IL1R1: variants seen among roughly 807,000 people sequenced by gnomAD.
The protein encoded by IL1R1 is interleukin-1 receptor type 1.
In IL1R1, 22 loss-of-function variants were observed where a neutral mutation model predicts 50.2. The ratio of observed to expected loss-of-function variants is 0.44; its 90% CI spans 0.31 to 0.63. The LOEUF is 0.63. Among genes scored for constraint, IL1R1 ranks in the 20% least tolerant of loss-of-function variants. The pLI, the probability that IL1R1 is intolerant of heterozygous loss-of-function variation, is 0.07. For missense variants in IL1R1, 509 were observed against 676.2 expected (o/e 0.75, Z 2.74); for synonymous variants, 251 against 236.7 (o/e 1.06, Z -0.55).
At chr2:102,075,620 C>T (rs1037886128) in intron 1 of IL1R1, among the ~76,000 whole-genome samples, 1 of 152,152 alleles carries the variant, frequency 6.6e-6, no homozygotes, top group South Asian at 2.1e-4. Flanking sequence ...TTGCATGCAA[C>T]TGGTTTGCAA....
chr2:102,166,027 G>C (rs1421924494), intron 5 of IL1R1, 86 bp from the exon 6 acceptor site: 9 of 1,146,326 alleles, frequency 7.9e-6, no homozygotes, highest in Non-Finnish European at 1.1e-5. Flanking sequence ...CATTTGCTAA[G>C]GTGAAAAAAA....
chr2:102,172,672 C>G lies in IL1R1; in HGVS notation c.840-15C>G, dbSNP rs778692822. On this transcript the variant is annotated splice_polypyrimidine_tract_variant and intron_variant, in intron 8 of 11. Coordinates refer to ENST00000410023, the MANE Select transcript of IL1R1 (RefSeq NM_000877.4). ...ATTAACTTACACAAGTTTATTTACT[C>G]TCTCTCTCGAATAGTGTGGAAAATC... 6.3e-7 allele frequency: 1 copy of G among 1,585,510 alleles called. No individual in the cohort carries two copies. The highest frequency in any genetic ancestry group is 8.6e-7 in the Non-Finnish European group (1 of 1,163,816).
At chr2:102,090,183 G>A (rs1679606006) in intron 1 of IL1R1, among the ~76,000 whole-genome samples, 1 of 140,660 alleles carries the variant, frequency 7.1e-6, no homozygotes, top group Non-Finnish European at 1.5e-5. Flanking sequence ...TGGCCTTCTA[G>A]TCCTTTGTCC....
upstream of IL1R1, among the ~76,000 whole-genome samples, chr2:102,103,723 G>A (rs946006900): frequency 3.9e-5 from 6 of 152,204 alleles, no homozygotes; most frequent in Admixed American, 2.0e-4. Context: ...GGCCAGGTGC[G>A]GTGGCTCATG....
intron 1 of IL1R1, among the ~76,000 whole-genome samples, chr2:102,071,383 G>A (rs1183711619): frequency 6.7e-6 from 1 of 148,994 alleles, no homozygotes; most frequent in Non-Finnish European, 1.5e-5. Flanking sequence ...ATCTATTTGT[G>A]GCACTGTATA....
intron 1 of IL1R1, among the ~76,000 whole-genome samples, chr2:102,137,043 C>T (rs529331645): frequency 6.6e-6 from 1 of 152,300 alleles, no homozygotes; most frequent in South Asian, 2.1e-4. Context: ...CAAAACTAAA[C>T]CTATTTGACC....
intron 7 of IL1R1, among the ~76,000 whole-genome samples, chr2:102,169,152 A>G (rs189929527): frequency 2.0e-3 from 305 of 152,316 alleles, no homozygotes; most frequent in African/African-American, 7.0e-3. Flanking sequence ...CAGTGTTACA[A>G]TTTCAGGACT....
upstream of IL1R1, among the ~76,000 whole-genome samples, chr2:102,141,167 AAGC>A (rs1682623792): frequency 6.6e-6 from 1 of 152,222 alleles, no homozygotes; most frequent in South Asian, 2.1e-4. Context: ...CACGTGGTTG[AAGC>A]AGCCTTCAGT....
chr2:102,095,627 A>G (rs1679864695), intron 1 of IL1R1, among the ~76,000 whole-genome samples: 1 of 152,224 alleles, frequency 6.6e-6, no homozygotes, highest in African/African-American at 2.4e-5. Flanking sequence ...TTCCCCCCAG[A>G]AATAGCTGCT....
chr2:102,170,752 A>G (rs1050287973), intron 7 of IL1R1, among the ~76,000 whole-genome samples: 2 of 152,226 alleles, frequency 1.3e-5, no homozygotes, highest in Non-Finnish European at 2.9e-5. Flanking sequence ...TTAATCTCAG[A>G]AAAACTGAAA....
At chr2:102,082,301 A>G (rs1430601375) in intron 1 of IL1R1, among the ~76,000 whole-genome samples, 1 of 152,114 alleles carries the variant, frequency 6.6e-6, no homozygotes, top group East Asian at 1.9e-4. Flanking sequence ...TTCTGGAGAT[A>G]TATTTGCCAT....
chr2:102,078,752 A>G (rs1679086457), intron 1 of IL1R1, among the ~76,000 whole-genome samples: 1 of 152,164 alleles, frequency 6.6e-6, no homozygotes, highest in Non-Finnish European at 1.5e-5. Context: ...GAAAGTCAGT[A>G]TTACCCCGGT....
Position 102,168,670 on chromosome 2 carries a change from G to A in IL1R1, c.721+7G>A. ...ACAATGGAAGTAGACTTGGGTAAGT[G>A]GGCTTCAGTGAGGGTATGCTGGAAT... is the stretch of plus-strand genomic sequence containing the variant. On this transcript the variant is annotated splice_region_variant and intron_variant, in intron 7 of 11. Transcript: ENST00000410023. 1 of 1,608,256 alleles carries A rather than the reference G, an allele frequency of 6.2e-7. No homozygotes were observed. The highest frequency in any genetic ancestry group is 8.5e-7 in the Non-Finnish European group (1 of 1,175,244).
chr2:102,117,740 T>C (rs1318532793), intron 1 of IL1R1, among the ~76,000 whole-genome samples: 1 of 151,994 alleles, frequency 6.6e-6, no homozygotes, highest in Non-Finnish European at 1.5e-5. Context: ...GGTGTTTGCG[T>C]GTGAGGGAAG....
intron 2 of IL1R1, among the ~76,000 whole-genome samples, chr2:102,157,337 A>G (rs1684289196): frequency 6.6e-6 from 1 of 152,048 alleles, no homozygotes; most frequent in Non-Finnish European, 1.5e-5. Flanking sequence ...TAAGTGGGGA[A>G]CCAATCCCCA....
intron 1 of IL1R1, among the ~76,000 whole-genome samples, chr2:102,113,271 C>A (rs1205609561): frequency 2.0e-5 from 3 of 152,192 alleles, no homozygotes; most frequent in Non-Finnish European, 2.9e-5. Flanking sequence ...AGGCTCAAAG[C>A]ACATTTGTGT....
chr2:102,123,542 A>G (rs1387755649), intron 1 of IL1R1, among the ~76,000 whole-genome samples: 1 of 152,136 alleles, frequency 6.6e-6, no homozygotes, highest in Non-Finnish European at 1.5e-5. Flanking sequence ...TTGGGAGGCC[A>G]AGGCAGACAG....
intron 1 of IL1R1, among the ~76,000 whole-genome samples, chr2:102,096,635 A>G (rs1343295223): frequency 1.3e-5 from 2 of 151,808 alleles, no homozygotes; most frequent in African/African-American, 4.8e-5. Flanking sequence ...TATTTGTGTT[A>G]TAAATGTCTT....
intron 1 of IL1R1, among the ~76,000 whole-genome samples, chr2:102,099,066 A>T (rs1226804615): frequency 2.0e-5 from 3 of 152,212 alleles, no homozygotes; most frequent in African/African-American, 4.8e-5. Context: ...TAAAATAACT[A>T]AAAAAGGCAC....
Sources: allele counts gnomAD v4.1 joint callset (sites outside exome capture counted in the v4.1 genomes callset), GRCh38; gene constraint gnomAD v4.1.1; transcripts MANE v1.5; gene names NCBI Gene and HGNC (gene_info 2026-07-23, HGNC 2026-07-21).